PCDHA6: variants seen among roughly 807,000 people sequenced by gnomAD.
PCDHA6 encodes the protein protocadherin alpha-6.
Under a neutral mutation model 60.3 loss-of-function variants are expected in PCDHA6, and 55 were observed. The ratio of observed to expected loss-of-function variants is 0.91; its 90% CI spans 0.73 to 1.14. The LOEUF is 1.14. Among genes scored for constraint, PCDHA6 ranks in the 50% most tolerant of loss-of-function variants. PCDHA6 has a pLI of 0.00. For missense variants in PCDHA6, 1,327 were observed against 1,256.5 expected, an observed-to-expected ratio of 1.06 and a Z score of -0.85; for synonymous variants, 652 against 557.9, an observed-to-expected ratio of 1.17 and a Z score of -2.38.
intron 1 of PCDHA6, chr5:140,842,529 A>C (rs1323450768): frequency 6.2e-7 from 1 of 1,613,050 alleles, no homozygotes; most frequent in East Asian, 2.2e-5. Context: ...ACCTTCAAGA[A>C]TTACTACTCG....
intron 1 of PCDHA6, chr5:140,883,514 G>C (rs2059648914): frequency 1.2e-6 from 2 of 1,614,220 alleles, no homozygotes; most frequent in Non-Finnish European, 1.7e-6. Context: ...CCTGGACCGC[G>C]AGAGCGTATC....
chr5:140,925,612 G>A (rs895763627), intron 1 of PCDHA6, among the ~76,000 whole-genome samples: 2 of 150,356 alleles, frequency 1.3e-5, no homozygotes, highest in Non-Finnish European at 3.0e-5. Flanking sequence ...AAACCTGCAC[G>A]TTGTGCACAT....
intron 1 of PCDHA6, chr5:140,857,341 G>C (rs782659858): frequency 1.3e-6 from 2 of 1,598,438 alleles, no homozygotes; most frequent in Non-Finnish European, 1.7e-6. Context: ...ACGGGGGCTC[G>C]CCTCCGCTGT....
At chr5:140,836,414 G>A in intron 1 of PCDHA6, 3 of 1,613,824 alleles carry the variant, frequency 1.9e-6, no homozygotes, top group Non-Finnish European at 1.7e-6. Context: ...AGGCACCAAA[G>A]GCGTCGTCGC....
chr5:140,938,599 C>T (rs1554212246), intron 1 of PCDHA6, among the ~76,000 whole-genome samples: 1 of 152,048 alleles, frequency 6.6e-6, no homozygotes, highest in African/African-American at 2.4e-5. Flanking sequence ...ATAAACCAAT[C>T]TTGCATTCTT....
chr5:140,876,807 G>A (rs782408048), intron 1 of PCDHA6: 1 of 1,614,234 alleles, frequency 6.2e-7, no homozygotes, highest in South Asian at 1.1e-5. Context: ...CCGTGGAGGT[G>A]GCCGACGTGA....
At chr5:140,880,258 A>G (rs1278819523) in intron 1 of PCDHA6, among the ~76,000 whole-genome samples, 3 of 152,246 alleles carry the variant, frequency 2.0e-5, no homozygotes. Flanking sequence ...GTATGTATAC[A>G]TATTTTAGTT....
rs781920660 is a variant in PCDHA6 at position 140,857,284 on chromosome 5, G to A, written c.2394+26799G>A. On this transcript the variant is annotated intron_variant, in intron 1 of 3. Transcript: ENST00000529310. Reference sequence around the variant, plus strand: ...ACTCATTGGTGCTGGACAGCGCTCTGGACCGCGAGAGGGTGTCGGCCTATG... The same window carrying A: ...ACTCATTGGTGCTGGACAGCGCTCTAGACCGCGAGAGGGTGTCGGCCTATG... 4 of 1,598,734 alleles carry A rather than the reference G, an allele frequency of 2.5e-6. 1 individual carries two copies. Among genetic ancestry groups the A allele is most frequent in the Non-Finnish European group, 2.6e-6 (3 of 1,168,028 alleles).
At chr5:140,972,750 G>A (rs2096554223) in intron 1 of PCDHA6, among the ~76,000 whole-genome samples, 2 of 143,042 alleles carry the variant, frequency 1.4e-5, no homozygotes, top group South Asian at 2.2e-4. Context: ...TGCAACCTCC[G>A]CCTCCCAAGT....
At chr5:140,856,907 A>G (rs2044265676) in intron 1 of PCDHA6, 3 of 1,596,440 alleles carry the variant, frequency 1.9e-6, no homozygotes, top group African/African-American at 2.7e-5. Context: ...GGTCCCACCC[A>G]CGATAAGAAG....
intron 1 of PCDHA6, chr5:140,884,253 C>T (rs1356283866): frequency 6.2e-7 from 1 of 1,613,418 alleles, no homozygotes; most frequent in East Asian, 2.2e-5. Context: ...CTGACGGCCA[C>T]GGCAACGGTG....
At chr5:140,995,132 A>G (rs2097665905) in intron 3 of PCDHA6, among the ~76,000 whole-genome samples, 1 of 152,222 alleles carries the variant, frequency 6.6e-6, no homozygotes, top group African/African-American at 2.4e-5. Flanking sequence ...CTGAAACCTC[A>G]TTTAGTACTG....
At chr5:140,989,851 G>C (rs1247481417) in intron 3 of PCDHA6, among the ~76,000 whole-genome samples, 1 of 152,106 alleles carries the variant, frequency 6.6e-6, no homozygotes, top group Non-Finnish European at 1.5e-5. Context: ...TGTGTGGACT[G>C]GAGAGGAATC....
intron 1 of PCDHA6, chr5:140,866,995 A>G (rs1294829153): frequency 1.3e-5 from 2 of 152,138 alleles, no homozygotes; most frequent in Non-Finnish European, 2.9e-5. Flanking sequence ...AATGCAAAAG[A>G]TGGGTCATTG....
Position 141,009,792 on chromosome 5 carries a change from C to T in PCDHA6, c.2708C>T (p.Pro903Leu). Residue 903 changes from proline (P) to leucine (L), a missense_variant, in exon 4 of 4, where the codon CCT (proline) becomes CTT (leucine). Physicochemically the swap from Pro to Leu is moderately conservative, Grantham distance 98. Transcript: ENST00000529310. ...GCAATCATCTCCATCCGGCAGGAGC[C>T]TACTAACAGCCAAATTGACAAAAGT... ...SPAIISIRQEPTNSQIDKSDF... is the reference protein window; with the variant it reads ...SPAIISIRQELTNSQIDKSDF... 1 of 1,614,068 alleles carries T rather than the reference C, an allele frequency of 6.2e-7. No individual in the cohort carries two copies. The highest frequency in any genetic ancestry group is 8.5e-7 in the Non-Finnish European group (1 of 1,180,026).
intron 1 of PCDHA6, among the ~76,000 whole-genome samples, chr5:140,973,301 A>C (rs1469183006): frequency 1.3e-5 from 2 of 152,034 alleles, no homozygotes; most frequent in Admixed American, 6.6e-5. Context: ...CTATCTGATG[A>C]CTCTATCCTG....
chr5:140,931,111 G>A (rs1584701423), intron 1 of PCDHA6, among the ~76,000 whole-genome samples: 2 of 152,116 alleles, frequency 1.3e-5, no homozygotes, highest in East Asian at 3.8e-4. Flanking sequence ...TAATAGGTAT[G>A]CACATCATTA....
At chr5:140,870,289 C>G in intron 1 of PCDHA6, 1 of 1,614,214 alleles carries the variant, frequency 6.2e-7, no homozygotes, top group Non-Finnish European at 8.5e-7. Flanking sequence ...TCCCTTCAAG[C>G]TGGTGTCCAC....
rs781972089 is a variant in PCDHA6 at position 141,009,851 on chromosome 5, A to G, written c.2767A>G (p.Lys923Glu). 1 of 1,614,060 alleles carries G rather than the reference A, an allele frequency of 6.2e-7. No individual in the cohort carries two copies. Among genetic ancestry groups the G allele is most frequent in the Non-Finnish European group, 8.5e-7 (1 of 1,179,986 alleles). Residue 923 changes from lysine to glutamate, a missense_variant, in exon 4 of 4, where the codon AAG becomes GAG. Transcript: ENST00000529310. ...AACCTTCGGCAAAAAGGAGGAGACC[A>G]AGAAAAAGAAGAAAAAGAAGAAGGG... is the stretch of plus-strand genomic sequence containing the variant. ...FITFGKKEETKKKKKKKKGNK... is the reference protein window; with the variant it reads ...FITFGKKEETEKKKKKKKGNK...
Sources: gnomAD v4.1 joint callset for allele counts (sites outside exome capture counted in the v4.1 genomes callset) on GRCh38, gnomAD v4.1.1 for gene constraint, MANE v1.5 for transcripts, NCBI Gene and HGNC (gene_info 2026-07-23, HGNC 2026-07-21) for gene names.